Variants in CTNNA3 observed in about 807,000 individuals in gnomAD.
CTNNA3 encodes catenin alpha 3, also known as catenin alpha-3.
CTNNA3 carries 76 observed loss-of-function variants against 95.7 expected under a neutral mutation model. The ratio of observed to expected loss-of-function variants is 0.79; its 90% CI spans 0.66 to 0.96. The LOEUF (loss-of-function observed/expected upper bound fraction) is 0.96, where lower values mean the gene tolerates loss of function less well. CTNNA3 is among the 40% of genes least tolerant of loss of function. The pLI is 0.00. For missense variants in CTNNA3, 1,191 were observed against 1,089.8 expected (o/e 1.09, Z -1.31); for synonymous variants, 431 against 374.4 (o/e 1.15, Z -1.74).
rs193037222 is a variant in CTNNA3, at chr10:66,417,088, T to C, written c.1532-37736A>G. Among the ~76,000 whole-genome samples, 46 of 152,096 alleles carry C rather than the reference T, an allele frequency of 3.0e-4. No homozygotes were observed. In the East Asian group the frequency reaches 8.3e-3, roughly 28 times the overall value. On this transcript the variant is annotated intron_variant, in intron 11 of 17. Coordinates refer to ENST00000433211, the MANE Select transcript of CTNNA3 (RefSeq NM_013266.4). ...GATTAAATTCTTCACTTAAAAGCTA[T>C]AGACTGAATGAATGGATTTTAAAAA... is the stretch of plus-strand genomic sequence containing the variant.
chr10:66,688,181 CAAG>C (rs1325771660), intron 9 of CTNNA3, among the ~76,000 whole-genome samples: 1 of 152,130 alleles, frequency 6.6e-6, no homozygotes, highest in Non-Finnish European at 1.5e-5. Context: ...AAAGATGACT[CAAG>C]TATTTCCGTG....
chr10:67,664,024 C>T (rs1184025813), intron 1 of CTNNA3, among the ~76,000 whole-genome samples: 3 of 152,070 alleles, frequency 2.0e-5, no homozygotes, highest in Non-Finnish European at 4.4e-5. Context: ...TAATTTTGAC[C>T]TTACTGAAGT....
At chr10:66,941,852 T>C (rs1290879112) in intron 7 of CTNNA3, among the ~76,000 whole-genome samples, 2 of 152,150 alleles carry the variant, frequency 1.3e-5, no homozygotes, top group Admixed American at 6.5e-5. Context: ...TACATCAGCA[T>C]ATACAGAGGA....
At chr10:66,203,783 A>T (rs957360901) in intron 13 of CTNNA3, among the ~76,000 whole-genome samples, 3 of 152,174 alleles carry the variant, frequency 2.0e-5, no homozygotes, top group African/African-American at 7.2e-5. Context: ...TTTATTCATT[A>T]ACTGAAATTC....
At chr10:67,207,063 G>A (rs973553440) in intron 6 of CTNNA3, among the ~76,000 whole-genome samples, 1 of 152,028 alleles carries the variant, frequency 6.6e-6, no homozygotes, top group Non-Finnish European at 1.5e-5. Context: ...CTCGGGAGGC[G>A]GAGGTTGCAG....
At chr10:67,736,968 AT>A (rs904428431) in intron 1 of CTNNA3, among the ~76,000 whole-genome samples, 6 of 150,482 alleles carry the variant, frequency 4.0e-5, no homozygotes, top group Admixed American at 3.3e-4. Flanking sequence ...TTTTATTTTA[AT>A]TTTTTTTTGG....
At chr10:67,018,967 G>T (rs1244943499) in intron 7 of CTNNA3, among the ~76,000 whole-genome samples, 1 of 152,178 alleles carries the variant, frequency 6.6e-6, no homozygotes, top group Non-Finnish European at 1.5e-5. Flanking sequence ...GTATCAGTTT[G>T]TTAACTAGTG....
chr10:66,827,965 T>C (rs1315762948), intron 7 of CTNNA3, among the ~76,000 whole-genome samples: 2 of 152,028 alleles, frequency 1.3e-5, no homozygotes, highest in South Asian at 2.1e-4. Context: ...GTGGGTAAAA[T>C]TGAGGTACTA....
chr10:67,345,872 T>C (rs1842394280), intron 5 of CTNNA3, among the ~76,000 whole-genome samples: 1 of 152,120 alleles, frequency 6.6e-6, no homozygotes, highest in Non-Finnish European at 1.5e-5. Flanking sequence ...ATTTTGTTGT[T>C]TGTTTTCTAG....
intron 7 of CTNNA3, among the ~76,000 whole-genome samples, chr10:66,987,702 T>C (rs1176724973): frequency 6.6e-6 from 1 of 152,164 alleles, no homozygotes; most frequent in African/African-American, 2.4e-5. Context: ...ACTTTAAACA[T>C]AGAATATAAA....
At chr10:66,445,041 A>C (rs1336925688) in intron 11 of CTNNA3, among the ~76,000 whole-genome samples, 1 of 152,154 alleles carries the variant, frequency 6.6e-6, no homozygotes, top group Non-Finnish European at 1.5e-5. Context: ...CTGATAAAAC[A>C]GACTAAACCA....
At chr10:66,767,867 A>G (rs1032330254) in intron 8 of CTNNA3, among the ~76,000 whole-genome samples, 2 of 152,244 alleles carry the variant, frequency 1.3e-5, no homozygotes, top group African/African-American at 2.4e-5. Flanking sequence ...CAACAATTTA[A>G]GAAAGGCTTC....
At chr10:67,435,222 A>C (rs1846260412) in intron 5 of CTNNA3, among the ~76,000 whole-genome samples, 1 of 151,990 alleles carries the variant, frequency 6.6e-6, no homozygotes, top group Non-Finnish European at 1.5e-5. Context: ...CCTTTCTGGC[A>C]ACAGCTCTGA....
chr10:66,069,220 T>G (rs1372497884), intron 15 of CTNNA3, 88 bp downstream of exon 15: 1 of 1,342,478 alleles, frequency 7.4e-7, no homozygotes, highest in Non-Finnish European at 1.1e-6. Context: ...TTTTTGGCAC[T>G]TGACACTCAG....
chr10:66,801,421 C>T (rs1841426744), intron 7 of CTNNA3, among the ~76,000 whole-genome samples: 1 of 151,428 alleles, frequency 6.6e-6, no homozygotes, highest in African/African-American at 2.4e-5. Context: ...TTAGCCAGAT[C>T]ATAGGCTGCA....
chr10:66,637,437 CTCTGAG>C (rs1180850031), intron 9 of CTNNA3, among the ~76,000 whole-genome samples: 1 of 152,224 alleles, frequency 6.6e-6, no homozygotes, highest in Non-Finnish European at 1.5e-5. Flanking sequence ...TGCTCAAAGG[CTCTGAG>C]TCTGAGTCAC....
intron 12 of CTNNA3, among the ~76,000 whole-genome samples, chr10:66,340,457 C>T (rs2092442167): frequency 6.6e-6 from 1 of 151,668 alleles, no homozygotes; most frequent in Non-Finnish European, 1.5e-5. Context: ...TTTACGTACT[C>T]CACTAGACAG....
At chr10:66,171,866 A>T (rs75548049) in intron 13 of CTNNA3, among the ~76,000 whole-genome samples, 6,153 of 152,102 alleles carry the variant, frequency 0.04, 433 homozygotes, top group African/African-American at 0.14. Flanking sequence ...AAAAAAAATT[A>T]AAAAAAATCA....
At chr10:66,817,339 A>AT (rs1842129546) in intron 7 of CTNNA3, among the ~76,000 whole-genome samples, 1 of 152,030 alleles carries the variant, frequency 6.6e-6, no homozygotes, top group Non-Finnish European at 1.5e-5. Context: ...ATAAAAGAGG[A>AT]TAAAAAACCT....
Sources: allele counts gnomAD v4.1 joint callset (sites outside exome capture counted in the v4.1 genomes callset), GRCh38; gene constraint gnomAD v4.1.1; transcripts MANE v1.5; gene names NCBI Gene and HGNC (gene_info 2026-07-23, HGNC 2026-07-21).